The following AAAS variants were observed in gnomAD, a reference collection of about 807,000 sequenced individuals.
AAAS encodes aladin.
In AAAS, 60 loss-of-function variants were observed where a neutral mutation model predicts 75.6. The ratio of observed to expected loss-of-function variants is 0.79; its 90% CI spans 0.64 to 0.98. AAAS has a LOEUF of 0.98. Ranked by LOEUF, AAAS falls within the 50% of genes least tolerant of loss-of-function variation. The pLI, the probability that AAAS is intolerant of heterozygous loss-of-function variation, is 0.00. For synonymous variants in AAAS, 271 were observed against 265.0 expected, an observed-to-expected ratio of 1.02 and a Z score of -0.22; for missense variants, 658 against 686.9, an observed-to-expected ratio of 0.96 and a Z score of 0.47.
At position 53,308,337 on chromosome 12, in the gene AAAS, C is replaced by A; in HGVS notation, c.1194G>T (p.Glu398Asp). ...TGGGGTCCCAGACCATGGAGTGAGCCTCTCCCCCAAGCCTGTGGGTAAGGA... is the reference window on the plus strand; with the variant it reads ...TGGGGTCCCAGACCATGGAGTGAGCATCTCCCCCAAGCCTGTGGGTAAGGA... ...TPDGEERLGGEAHSMVWDPSG... is the reference protein window; with the variant it reads ...TPDGEERLGGDAHSMVWDPSG... The change falls in exon 13 of 16, where the codon GAG (glutamate) becomes GAT (aspartate). Residue 398 changes from glutamate (E) to aspartate (D), a missense_variant. Physicochemically the swap from Glu to Asp is conservative, Grantham distance 45. Coordinates refer to ENST00000209873, the MANE Select transcript of AAAS (RefSeq NM_015665.6). 6.2e-7 allele frequency: 1 copy of A among 1,614,164 alleles called. No individual in the cohort carries two copies. Among genetic ancestry groups the A allele is most frequent in the Non-Finnish European group, 8.5e-7 (1 of 1,180,032 alleles).
rs1221582711 is a variant in AAAS, at chr12:53,310,554, G to A, written c.690-833C>T. 9.0e-5 allele frequency among the ~76,000 whole-genome samples: 13 copies of A among 144,636 alleles called. No individual in the cohort carries two copies. The East Asian group carries it at 1.4e-3, about 16-fold the overall frequency. 94.9% of individuals were successfully genotyped at this position (144,636 alleles called of 152,430 possible). A position where few individuals can be genotyped will look rare whatever the true frequency, so the allele number is the denominator to read the frequency against. ...CAGCCTGGCGACAGAGCGAGACTCC[G>A]TCTCAAAAAAAAAAAAAAAAAAGAT... On this transcript the variant is annotated intron_variant, in intron 7 of 15. Transcript: ENST00000209873.
rs79881935 is a variant in AAAS at position 53,309,017 on chromosome 12, G to A, written c.939C>T (p.Val313=). ...LATTPSAVFR[V]WEAQMWTCER... is the part of the protein sequence containing the mutation. Reference sequence around the variant, plus strand: ...CACAAGTCCACATCTGGGCCTCCCAGACTCTGAGCCAGAGAAAAGCAAATT... The same window carrying A: ...CACAAGTCCACATCTGGGCCTCCCAAACTCTGAGCCAGAGAAAAGCAAATT... Residue 313 remains valine (V), a synonymous_variant, in exon 10 of 16, where the codon GTC becomes GTT. Transcript: ENST00000209873. The A allele has an allele frequency of 1.3e-4, 209 of 1,614,192 alleles. 3 individuals are homozygous for A. The highest frequency in any genetic ancestry group is 1.0e-3 in the South Asian group (92 of 91,084).
rs773522074 is a variant in AAAS, at chr12:53,308,064, T to A, written c.1319A>T (p.Glu440Val). ...ACATGGCACTTACCAGGGAAGGAGC[T>A]CAAACACAGGGCTGTTTCGAGTGCG... ...LFRTRNSPVFELLPCGIIQGE... is the reference protein window; with the variant it reads ...LFRTRNSPVFVLLPCGIIQGE... The change falls in exon 14 of 16, where the codon GAG becomes GTG. Residue 440 changes from glutamate (E) to valine (V), a missense_variant. Glu to Val is a moderately radical substitution (Grantham distance 121, BLOSUM62 -2). Transcript: ENST00000209873. 4 of 1,614,178 alleles carry A rather than the reference T, an allele frequency of 2.5e-6. No individual in the cohort carries two copies. The highest frequency in any genetic ancestry group is 3.4e-6 in the Non-Finnish European group (4 of 1,180,018).
rs1235847971 is a variant in AAAS at position 53,321,514 on chromosome 12, G to A, written c.-49C>T. 6.2e-7 allele frequency: 1 copy of A among 1,611,898 alleles called. No homozygotes were observed. The highest frequency in any genetic ancestry group is 1.1e-5 in the South Asian group (1 of 91,054). On this transcript the variant is annotated 5_prime_UTR_variant, in exon 1 of 16. Transcript: ENST00000209873. The stretch of plus-strand genomic sequence containing the variant: ...CAGTCGGCAAACTCCTGGCCGGAAC[G>A]GCACAGACCGCACTCCCGCAACTCG...
intron 5 of AAAS, 54 bp from the exon 6 acceptor site, chr12:53,314,903 G>A (rs1944440147): frequency 1.9e-6 from 3 of 1,554,614 alleles, no homozygotes; most frequent in African/African-American, 1.4e-5. Context: ...CCCTAGCCCA[G>A]AAGCTCACAT....
rs763760167 is a variant in AAAS at position 53,314,406 on chromosome 12, C to T, written c.581G>A (p.Arg194Gln). 7 of 1,614,004 alleles carry T rather than the reference C, an allele frequency of 4.3e-6. No individual in the cohort carries two copies. Among genetic ancestry groups the T allele is most frequent in the African/African-American group, 2.7e-5 (2 of 74,902 alleles). The change falls in exon 7 of 16, where the codon CGA becomes CAA. Residue 194 changes from arginine (R) to glutamine (Q), a missense_variant. Arg to Gln is a conservative substitution (Grantham distance 43). Transcript: ENST00000209873. ...IVPSLKHRLQ[R>Q]NVASLAWKPL... ...CTTCCAGGCCAGAGACGCCACATTT[C>T]GCTGCAGCCGGTGCTTCAGGGAGGG...
chr12:53,320,796 A>G (rs1944541931), intron 1 of AAAS, 104 bp from the exon 2 acceptor site: 6 of 1,370,148 alleles, frequency 4.4e-6, no homozygotes, highest in Middle Eastern at 4.0e-4. Context: ...AAGAGATTCC[A>G]GAGGTCTGTT....
At chr12:53,317,946 T>C (rs1235788360) in intron 2 of AAAS, among the ~76,000 whole-genome samples, 1 of 152,240 alleles carries the variant, frequency 6.6e-6, no homozygotes, top group Non-Finnish European at 1.5e-5. Context: ...ATGCTTACAA[T>C]GTGCCAGCTC....
rs762496552 is a variant in AAAS at position 53,321,308 on chromosome 12, T to G, written c.123+35A>C. The G allele has an allele frequency of 1.0e-5, 16 of 1,603,692 alleles. No individual in the cohort carries two copies. The African/African-American group carries it at 2.1e-4, about 21-fold the overall frequency. ...CCAGTAGTCCCCGACTCCGCCCCCA[T>G]GCCTGTAGGTCCCCTCCCTCCTCGC... On this transcript the variant is annotated intron_variant, in intron 1 of 15. Coordinates refer to ENST00000209873, the MANE Select transcript of AAAS (RefSeq NM_015665.6).
intron 5 of AAAS, 111 bp downstream of exon 5, chr12:53,314,983 G>A (rs1592518807): frequency 1.3e-6 from 2 of 1,487,158 alleles, no homozygotes; most frequent in Non-Finnish European, 1.9e-6. Flanking sequence ...CAGGAGGAAT[G>A]AGAATATGGT....
chr12:53,312,085 T>C lies in AAAS; in HGVS notation c.689+2213A>G, dbSNP rs545316827. On this transcript the variant is annotated intron_variant, in intron 7 of 15. Transcript: ENST00000209873. ...GCTCACGCCTGTAATCCCAGCACTCTGGGATGCTGAGGCGGGCGGATCACG... is the reference window on the plus strand; with the variant it reads ...GCTCACGCCTGTAATCCCAGCACTCCGGGATGCTGAGGCGGGCGGATCACG... Among the ~76,000 whole-genome samples, 4 of 151,938 alleles carry C rather than the reference T, an allele frequency of 2.6e-5. No homozygotes were observed. In the East Asian group the frequency reaches 7.8e-4, roughly 29 times the overall value.
chr12:53,318,267 TG>T (rs1395082599), intron 2 of AAAS, among the ~76,000 whole-genome samples: 76 of 150,110 alleles, frequency 5.1e-4, no homozygotes, highest in African/African-American at 1.8e-3. Context: ...TGTGTGTGTG[TG>T]TGTGTTAAGA....
At chr12:53,314,665 A>T in intron 6 of AAAS, 86 bp downstream of exon 6, 4 of 1,451,324 alleles carry the variant, frequency 2.8e-6, no homozygotes, top group Non-Finnish European at 3.8e-6. Flanking sequence ...AATCAGGTTC[A>T]AGAACTACAG....
chr12:53,308,819 G>C lies in AAAS; in HGVS notation c.997-4C>G. 2.5e-6 allele frequency: 4 copies of C among 1,613,968 alleles called. 1 individual carries two copies. Among genetic ancestry groups the C allele is most frequent in the Non-Finnish European group, 3.4e-6 (4 of 1,180,022 alleles). On this transcript the variant is annotated splice_polypyrimidine_tract_variant and splice_region_variant and intron_variant, in intron 10 of 15. Transcript: ENST00000209873. ...CATCTGGGCTCCAGCAGCCAGTCTG[G>C]GGTCAGGGAGCAAAAGGCAGGAGAA...
At chr12:53,312,862 A>T (rs571361176) in intron 7 of AAAS, among the ~76,000 whole-genome samples, 3,006 of 135,234 alleles carry the variant, frequency 0.022, 126 homozygotes, top group African/African-American at 0.08. Context: ...ATATATATAT[A>T]TTTTTTTTTT....
intron 7 of AAAS, among the ~76,000 whole-genome samples, 170 bp downstream of exon 7, chr12:53,314,128 C>T (rs542760711): frequency 6.6e-6 from 1 of 152,262 alleles, no homozygotes. Context: ...TTCTCTTTCT[C>T]CAGATTAGAG....
rs779591035 is a variant in AAAS at position 53,309,653 on chromosome 12, G to T, written c.758C>A (p.Ala253Asp). 16 of 1,613,354 alleles carry T rather than the reference G, an allele frequency of 9.9e-6. No individual in the cohort carries two copies. The highest frequency in any genetic ancestry group is 1.4e-5 in the Non-Finnish European group (16 of 1,179,880). ...TGAGAGCAGCCGCCCCCCACTGGGG[G>T]CCCAGGCCAAGCTGGTAACAGGTGT... Reference protein sequence around the residue: ...GHTPVTSLAWAPSGGRLLSAS... With the variant: ...GHTPVTSLAWDPSGGRLLSAS... The change falls in exon 8 of 16, where the codon GCC becomes GAC. Residue 253 changes from alanine (A) to aspartate (D), a missense_variant. Coordinates refer to ENST00000209873, the MANE Select transcript of AAAS (RefSeq NM_015665.6).
At chr12:53,313,788 T>C (rs971543415) in intron 7 of AAAS, among the ~76,000 whole-genome samples, 1 of 151,424 alleles carries the variant, frequency 6.6e-6, no homozygotes, top group African/African-American at 2.4e-5. Context: ...TTCATATTTT[T>C]AGTAGAGACA....
intron 6 of AAAS, 67 bp downstream of exon 6, chr12:53,314,683 CG>C: frequency 6.5e-7 from 1 of 1,527,426 alleles, no homozygotes; most frequent in South Asian, 1.2e-5. Context: ...CAGGACTCCC[CG>C]GAACCAAGGC....
Sources: gnomAD v4.1 joint callset for allele counts (sites outside exome capture counted in the v4.1 genomes callset) on GRCh38, gnomAD v4.1.1 for gene constraint, MANE v1.5 for transcripts, NCBI Gene and HGNC (gene_info 2026-07-23, HGNC 2026-07-21) for gene names.